The following SH3GL2 variants were observed in gnomAD, a reference collection of about 807,000 sequenced individuals.
The protein encoded by SH3GL2 is SH3 domain containing GRB2 like 2, endophilin A1.
Under a neutral mutation model 46.0 loss-of-function variants are expected in SH3GL2, and 24 were observed. That is an observed-to-expected ratio of 0.52 (90% CI 0.38 to 0.73). The LOEUF (loss-of-function observed/expected upper bound fraction) is 0.73, where lower values mean the gene tolerates loss of function less well. Ranked by LOEUF, SH3GL2 falls within the 30% of genes least tolerant of loss-of-function variation. The pLI, the probability that SH3GL2 is intolerant of heterozygous loss-of-function variation, is 0.00. For synonymous variants in SH3GL2, 196 were observed against 147.1 expected (o/e 1.33, Z -2.40); for missense variants, 413 against 424.2 (o/e 0.97, Z 0.23).
At chr9:17,587,579 A>G (rs1405399688) in intron 1 of SH3GL2, among the ~76,000 whole-genome samples, 2 of 152,142 alleles carry the variant, frequency 1.3e-5, no homozygotes, top group Admixed American at 1.3e-4. Context: ...ATTTCTTCAT[A>G]AACTTAGTAG....
intron 1 of SH3GL2, among the ~76,000 whole-genome samples, chr9:17,646,217 C>T (rs988697560): frequency 2.6e-5 from 4 of 151,900 alleles, no homozygotes; most frequent in Admixed American, 1.3e-4. Flanking sequence ...TGTTTTTCCG[C>T]TCCATCAGGT....
chr9:17,651,299 A>G (rs563096612), intron 1 of SH3GL2, among the ~76,000 whole-genome samples: 3 of 152,326 alleles, frequency 2.0e-5, no homozygotes, highest in East Asian at 3.9e-4. Context: ...TTAATTTTAC[A>G]GGGATTTGAC....
At chr9:17,774,652 C>T (rs950334605) in intron 3 of SH3GL2, among the ~76,000 whole-genome samples, 3 of 151,852 alleles carry the variant, frequency 2.0e-5, no homozygotes, top group Admixed American at 1.3e-4. Flanking sequence ...ACCACTTGGT[C>T]ATGGGGTATA....
rs545215329 is a variant in SH3GL2 at position 17,662,944 on chromosome 9, C to T, written c.45+83657C>T. Among the ~76,000 whole-genome samples the T allele has an allele frequency of 4.3e-4, 65 of 152,234 alleles. No homozygotes were observed. In the South Asian group the frequency reaches 7.7e-3, roughly 18 times the overall value. On this transcript the variant is annotated intron_variant, in intron 1 of 8. Transcript: ENST00000380607. The stretch of plus-strand genomic sequence containing the variant: ...CAGGCTGGTCTCCAACTCCTGACCT[C>T]GTGATCTGCCCGCCTCCCAAAGTGC...
intron 1 of SH3GL2, among the ~76,000 whole-genome samples, chr9:17,613,850 T>C (rs960659499): frequency 6.6e-6 from 1 of 152,208 alleles, no homozygotes; most frequent in East Asian, 1.9e-4. Flanking sequence ...GCTTTCCTTT[T>C]TCCCCTTCCC....
intron 1 of SH3GL2, among the ~76,000 whole-genome samples, chr9:17,629,842 C>T (rs919490012): frequency 3.9e-5 from 6 of 152,108 alleles, no homozygotes; most frequent in African/African-American, 7.2e-5. Context: ...CCTGTTTATG[C>T]CATGTATTTG....
At chr9:17,586,935 G>C (rs369320865) in intron 1 of SH3GL2, among the ~76,000 whole-genome samples, 2 of 152,178 alleles carry the variant, frequency 1.3e-5, no homozygotes, top group Non-Finnish European at 2.9e-5. Context: ...GGCTGGGTGC[G>C]GTGGCTCATG....
At chr9:17,772,230 T>C (rs1003538074) in intron 3 of SH3GL2, among the ~76,000 whole-genome samples, 6 of 152,216 alleles carry the variant, frequency 3.9e-5, no homozygotes, top group African/African-American at 1.4e-4. Flanking sequence ...CCAAATCTTA[T>C]TTAGTGTGAT....
intron 4 of SH3GL2, 121 bp downstream of exon 4, chr9:17,786,645 C>A: frequency 1.0e-6 from 1 of 994,168 alleles, no homozygotes; most frequent in Non-Finnish European, 1.5e-6. Flanking sequence ...GTTTTAGATC[C>A]TACACACATG....
intron 5 of SH3GL2, 23 bp downstream of exon 5, chr9:17,787,536 A>G (rs920295003): frequency 9.4e-6 from 15 of 1,604,278 alleles, no homozygotes; most frequent in Non-Finnish European, 1.2e-5. Flanking sequence ...AGTCTTCTGG[A>G]AAGTGGGCAG....
chr9:17,765,844 C>G (rs1017327845), intron 3 of SH3GL2, among the ~76,000 whole-genome samples: 1 of 152,174 alleles, frequency 6.6e-6, no homozygotes, highest in African/African-American at 2.4e-5. Flanking sequence ...CACCACATCC[C>G]CAGCCCCCAG....
chr9:17,612,381 C>G (rs150607572), intron 1 of SH3GL2, among the ~76,000 whole-genome samples: 4 of 152,300 alleles, frequency 2.6e-5, no homozygotes, highest in African/African-American at 9.6e-5. Flanking sequence ...CTTAACCTTA[C>G]CACATCTGGA....
In SH3GL2 at chr9:17,605,602, C is replaced by T. The variant is rs750859284; in HGVS notation, c.45+26315C>T. On this transcript the variant is annotated intron_variant, in intron 1 of 8. Transcript: ENST00000380607. Reference sequence around the variant, plus strand: ...AACAAGCAGAGATGTTTCTCTTAGCCCAGGCAGCTCCTCAGTGTGGGGGTC... The same window carrying T: ...AACAAGCAGAGATGTTTCTCTTAGCTCAGGCAGCTCCTCAGTGTGGGGGTC... Among the ~76,000 whole-genome samples, 8 of 152,262 alleles carry T rather than the reference C, an allele frequency of 5.3e-5. 1 individual carries two copies. The highest frequency in any genetic ancestry group is 5.9e-5 in the Non-Finnish European group (4 of 68,024).
At chr9:17,715,662 C>T (rs1489714369) in intron 1 of SH3GL2, among the ~76,000 whole-genome samples, 14 of 151,970 alleles carry the variant, frequency 9.2e-5, no homozygotes, top group East Asian at 1.9e-4. Context: ...GGGAATTATA[C>T]CTCATAGTTA....
At chr9:17,762,917 G>A (rs1823220104) in intron 3 of SH3GL2, among the ~76,000 whole-genome samples, 1 of 152,102 alleles carries the variant, frequency 6.6e-6, no homozygotes, top group Non-Finnish European at 1.5e-5. Flanking sequence ...CATTATATAG[G>A]GGCAAGAAGT....
Position 17,789,542 on chromosome 9 carries a change from G to C in SH3GL2, c.616G>C (p.Glu206Gln), listed in dbSNP as rs1479176820. 1 of 1,613,342 alleles carries C rather than the reference G, an allele frequency of 6.2e-7. No individual in the cohort carries two copies. Among genetic ancestry groups the C allele is most frequent in the African/African-American group, 1.3e-5 (1 of 74,978 alleles). ...IAESSMFNLL[E>Q]MDIEQVSQLS... is the part of the protein sequence containing the mutation. The stretch of plus-strand genomic sequence containing the variant: ...TGAGTCAAGCATGTTCAATCTCTTG[G>C]AGATGGATGTAAGTGACTCCTGTGG... Residue 206 changes from glutamate to glutamine, a missense_variant, in exon 6 of 9, where the codon GAG becomes CAG. Physicochemically the swap from Glu to Gln is conservative, Grantham distance 29. Transcript: ENST00000380607.
chr9:17,705,615 C>T (rs186789468), intron 1 of SH3GL2, among the ~76,000 whole-genome samples: 18 of 152,048 alleles, frequency 1.2e-4, no homozygotes, highest in African/African-American at 1.7e-4. Context: ...CGGAGTACTA[C>T]GCAGCTGTGA....
At chr9:17,633,985 C>A (rs563316162) in intron 1 of SH3GL2, among the ~76,000 whole-genome samples, 6 of 152,356 alleles carry the variant, frequency 3.9e-5, no homozygotes, top group African/African-American at 1.2e-4. Context: ...TGTCCCTCTT[C>A]CTGCTCATGA....
chr9:17,745,262 T>C (rs575433239), intron 1 of SH3GL2, among the ~76,000 whole-genome samples: 3 of 152,282 alleles, frequency 2.0e-5, no homozygotes, highest in African/African-American at 7.2e-5. Flanking sequence ...TAAGATTGTA[T>C]TATGTCAAGG....
Sources: gnomAD v4.1 joint callset for allele counts (sites outside exome capture counted in the v4.1 genomes callset) on GRCh38, gnomAD v4.1.1 for gene constraint, MANE v1.5 for transcripts, NCBI Gene and HGNC (gene_info 2026-07-23, HGNC 2026-07-21) for gene names.